The following MAF variants were observed in gnomAD, a reference collection of about 807,000 sequenced individuals.
MAF encodes MAF bZIP transcription factor.
In MAF, 10 loss-of-function variants were observed where a neutral mutation model predicts 22.0. The observed-to-expected ratio is 0.45, with a 90% confidence interval of 0.28 to 0.77. MAF has a LOEUF of 0.77. MAF is among the 30% of genes least tolerant of loss of function. The pLI, the probability that MAF is intolerant of heterozygous loss-of-function variation, is 0.12. For synonymous variants in MAF, 337 were observed against 255.8 expected (o/e 1.32, Z -3.03); for missense variants, 544 against 548.4 (o/e 0.99, Z 0.08).
chr16:79,431,292 GAGGACAGA>G, the MAF span, among the ~76,000 whole-genome samples: 1 of 152,190 alleles, frequency 6.6e-6, no homozygotes, highest in African/African-American at 2.4e-5. Flanking sequence ...TTAGGCTGCT[GAGGACAGA>G]AGTTAAAGAG....
chr16:79,289,962 T>C, the MAF span, among the ~76,000 whole-genome samples: 1 of 150,376 alleles, frequency 6.6e-6, no homozygotes, highest in Non-Finnish European at 1.5e-5. Flanking sequence ...ATTCAAGCGA[T>C]TCTCCTGCCT....
the MAF span, among the ~76,000 whole-genome samples, chr16:79,305,441 G>A: frequency 1.3e-5 from 2 of 152,228 alleles, no homozygotes; most frequent in East Asian, 3.9e-4. Context: ...TTCCTCCCTG[G>A]GGCTTGTGGG....
the MAF span, among the ~76,000 whole-genome samples, chr16:79,535,445 G>A: frequency 5.3e-5 from 8 of 151,102 alleles, no homozygotes; most frequent in African/African-American, 1.9e-4. Context: ...GTACCGTGCT[G>A]AGTGGTCAAG....
chr16:79,455,875 G>C, the MAF span, among the ~76,000 whole-genome samples: 4 of 151,984 alleles, frequency 2.6e-5, no homozygotes, highest in African/African-American at 7.2e-5. Context: ...AAAGTTAGCC[G>C]GGTGTGGAGG....
the MAF span, among the ~76,000 whole-genome samples, chr16:79,285,756 C>T: frequency 1.3e-3 from 203 of 152,316 alleles, 2 homozygotes; most frequent in African/African-American, 4.6e-3. Flanking sequence ...AGGGCACTGA[C>T]GTCCTGCAGG....
the MAF span, among the ~76,000 whole-genome samples, chr16:79,447,397 T>G: frequency 6.6e-6 from 1 of 152,088 alleles, no homozygotes; most frequent in Non-Finnish European, 1.5e-5. Context: ...ACCTGGTCAT[T>G]CAAGAGCTCT....
At chr16:79,465,174 A>G in the MAF span, among the ~76,000 whole-genome samples, 1 of 152,194 alleles carries the variant, frequency 6.6e-6, no homozygotes, top group African/African-American at 2.4e-5. Context: ...TGCTGACAAT[A>G]CCAAAATCCA....
At chr16:79,319,414 A>G in the MAF span, among the ~76,000 whole-genome samples, 1 of 152,258 alleles carries the variant, frequency 6.6e-6, no homozygotes, top group Non-Finnish European at 1.5e-5. Flanking sequence ...GTGCTTCTTT[A>G]TAAAGCAGAA....
the MAF span, among the ~76,000 whole-genome samples, chr16:79,208,173 TCTC>T: frequency 6.6e-6 from 1 of 152,158 alleles, no homozygotes; most frequent in African/African-American, 2.4e-5. Flanking sequence ...ATTGCACAGT[TCTC>T]CTCTGGCAGC....
chr16:79,334,742 G>A, the MAF span, among the ~76,000 whole-genome samples: 2 of 152,114 alleles, frequency 1.3e-5, no homozygotes, highest in Non-Finnish European at 2.9e-5. Context: ...CGAGGTTAGT[G>A]CACTTTATAG....
chr16:79,334,668 T>A, the MAF span, among the ~76,000 whole-genome samples: 1 of 152,080 alleles, frequency 6.6e-6, no homozygotes, highest in African/African-American at 2.4e-5. Flanking sequence ...CTTCTAAGTG[T>A]GGGGCCCTGC....
At chr16:79,419,594 G>C in the MAF span, among the ~76,000 whole-genome samples, 2 of 152,144 alleles carry the variant, frequency 1.3e-5, no homozygotes, top group Non-Finnish European at 2.9e-5. Context: ...TTCCATGTCT[G>C]TTCTGGAAAA....
the MAF span, among the ~76,000 whole-genome samples, chr16:79,215,326 C>G: frequency 6.6e-6 from 1 of 152,062 alleles, no homozygotes; most frequent in Non-Finnish European, 1.5e-5. Flanking sequence ...AAGCAATCCT[C>G]CCATTACAGG....
At chr16:79,336,501 T>G in the MAF span, among the ~76,000 whole-genome samples, 1 of 152,214 alleles carries the variant, frequency 6.6e-6, no homozygotes, top group Non-Finnish European at 1.5e-5. Context: ...CTAAATAAAA[T>G]TGCCTAGAAT....
the MAF span, among the ~76,000 whole-genome samples, chr16:79,305,709 G>T: frequency 6.6e-6 from 1 of 152,226 alleles, no homozygotes; most frequent in Non-Finnish European, 1.5e-5. Flanking sequence ...CTTGTTGCCA[G>T]CAACAGAAAT....
the MAF span, among the ~76,000 whole-genome samples, chr16:79,445,383 A>G: frequency 6.6e-6 from 1 of 152,146 alleles, no homozygotes; most frequent in Non-Finnish European, 1.5e-5. Context: ...CGGGAGAAGC[A>G]CAGGTTGTTT....
chr16:79,212,537 C>T, the MAF span: 1 of 172,056 alleles, frequency 5.8e-6, no homozygotes, highest in African/African-American at 2.4e-5. Flanking sequence ...TTTTGGGGGG[C>T]AGAGAATAAA....
the MAF span, among the ~76,000 whole-genome samples, chr16:79,393,989 C>A: frequency 1.3e-5 from 2 of 152,164 alleles, no homozygotes; most frequent in Admixed American, 1.3e-4. Context: ...TTACGCTCCC[C>A]AAACACTCTG....
the MAF span, among the ~76,000 whole-genome samples, chr16:79,419,472 T>G: frequency 6.6e-6 from 1 of 152,224 alleles, no homozygotes; most frequent in African/African-American, 2.4e-5. Context: ...CCTTACAGTT[T>G]CCATGCCGAT....
Sources: allele counts gnomAD v4.1 joint callset (sites outside exome capture counted in the v4.1 genomes callset), GRCh38; gene constraint gnomAD v4.1.1; transcripts MANE v1.5; gene names NCBI Gene and HGNC (gene_info 2026-07-23, HGNC 2026-07-21).